SUPT20HL2: variants seen among roughly 807,000 people sequenced by gnomAD.
The protein encoded by SUPT20HL2 is transcription factor SPT20 homolog-like 2.
For synonymous variants in SUPT20HL2, 125 were observed against 51.6 expected (o/e 2.42, Z -6.10); for missense variants, 288 against 127.4 (o/e 2.26, Z -6.07).
In SUPT20HL2 at chrX:24,309,728, T is replaced by TAAAAAAAAA. The variant is rs1939098610; in HGVS notation, c.*1133_*1134insTTTTTTTTT. Among the ~76,000 whole-genome samples, 2 of 12,765 alleles carry TAAAAAAAAA rather than the reference T, an allele frequency of 1.6e-4. No individual in the cohort carries two copies. The highest frequency in any genetic ancestry group is 2.2e-4 in the Non-Finnish European group (2 of 8,898). 11.1% of individuals were successfully genotyped at this position (12,765 alleles called of 115,157 possible). On this transcript the variant is annotated 3_prime_UTR_variant, in exon 1 of 1. Coordinates refer to ENST00000486479, the MANE Select transcript of SUPT20HL2 (RefSeq NM_001136233.3). ...ATTAAAAAAAAAAAGAAAAAAATAATAAAAATAAAAAAAAAAAGAAAAAAA... is the reference window on the plus strand; with the variant it reads ...ATTAAAAAAAAAAAGAAAAAAATAATAAAAAAAAAAAAAATAAAAAAAAAAAGAAAAAAA...
In SUPT20HL2 at chrX:24,309,705, T is replaced by TAAAAAAAAAAAAAAAAAAAAAAAAAA. The variant is rs1157065397; in HGVS notation, c.*1156_*1157insTTTTTTTTTTTTTTTTTTTTTTTTTT. On this transcript the variant is annotated 3_prime_UTR_variant, in exon 1 of 1. Transcript: ENST00000486479. Reference sequence around the variant, plus strand: ...AAAAAAAAAAATTAAAAAAAAAAATTAAAAAAAAAAAGAAAAAAATAATAA... The same window carrying TAAAAAAAAAAAAAAAAAAAAAAAAAA: ...AAAAAAAAAAATTAAAAAAAAAAATTAAAAAAAAAAAAAAAAAAAAAAAAAAAAAAAAAAAAAGAAAAAAATAATAA... Among the ~76,000 whole-genome samples the TAAAAAAAAAAAAAAAAAAAAAAAAAA allele has an allele frequency of 5.5e-5, 1 of 18,039 alleles. No individual in the cohort carries two copies. The highest frequency in any genetic ancestry group is 9.0e-5 in the Non-Finnish European group (1 of 11,157). The allele number at this position is 18,039 out of a possible 115,157, so 15.7% of individuals were successfully genotyped here. A position where few individuals can be genotyped will look rare whatever the true frequency, so the allele number is the denominator to read the frequency against.
In SUPT20HL2 at chrX:24,309,746, GAAAAAAAAAA is replaced by G; in HGVS notation, c.*1106_*1115del. On this transcript the variant is annotated 3_prime_UTR_variant, in exon 1 of 1. Transcript: ENST00000486479. ...AAAATAATAAAAATAAAAAAAAAAA[GAAAAAAAAAA>G]AAAAAAAAAAAAACATCCAAAAAGA... 5.1e-3 allele frequency among the ~76,000 whole-genome samples: 112 copies of G among 21,789 alleles called. 1 individual carries two copies. The highest frequency in any genetic ancestry group is 0.025 in the African/African-American group (104 of 4,155). 18.9% of individuals were successfully genotyped at this position (21,789 alleles called of 115,157 possible).
rs749737905 is a variant in SUPT20HL2, at chrX:24,310,167, T to C, written c.*695A>G. Among the ~76,000 whole-genome samples, 2 of 111,597 alleles carry C rather than the reference T, an allele frequency of 1.8e-5. No individual in the cohort carries two copies. Among genetic ancestry groups the C allele is most frequent in the African/African-American group, 3.3e-5 (1 of 30,605 alleles). On this transcript the variant is annotated 3_prime_UTR_variant, in exon 1 of 1. Transcript: ENST00000486479. Reference sequence around the variant, plus strand: ...CAGCAGGGATAAATCATGAGGACATTATGCCAAGTGAGATAAGCCACTCAC... The same window carrying C: ...CAGCAGGGATAAATCATGAGGACATCATGCCAAGTGAGATAAGCCACTCAC...
chrX:24,311,803 G>GAGCAGC lies in SUPT20HL2; in HGVS notation c.1507_1512dup (p.Ala503_Ala504dup), dbSNP rs1050338108. On this transcript the variant is annotated inframe_insertion, in exon 1 of 1. Transcript: ENST00000486479. ...GCAGCAGGAGCAGGAGCAGGAGCAG[G>GAGCAGC]AGCAGCAGCAGCTACAGCAGGAGCA... The GAGCAGC allele has an allele frequency of 1.2e-5, 4 of 335,203 alleles. No individual in the cohort carries two copies. Among genetic ancestry groups the GAGCAGC allele is most frequent in the African/African-American group, 5.3e-5 (2 of 37,556 alleles). The allele number at this position is 335,203 out of a possible 1,213,427, so 27.6% of individuals were successfully genotyped here.
rs368629408 is a variant in SUPT20HL2 at position 24,312,806 on chromosome X, G to C, written c.510C>G (p.Thr170=). 1.2e-4 allele frequency: 47 copies of C among 384,815 alleles called. No homozygotes were observed. Among genetic ancestry groups the C allele is most frequent in the African/African-American group, 2.3e-4 (9 of 38,992 alleles). 31.7% of individuals were successfully genotyped at this position (384,815 alleles called of 1,213,427 possible). ...YQSRHILLRP[T]MQTLAPEVKT... ...TCACCTCAGGGGCTAAAGTCTGCAT[G>C]GTTGGACGTAGAAGAATATGCCTGC... The change falls in exon 1 of 1, where the codon ACC becomes ACG. Residue 170 remains threonine (T), a synonymous_variant. Coordinates refer to ENST00000486479, the MANE Select transcript of SUPT20HL2 (RefSeq NM_001136233.3).
At position 24,312,301 on chromosome X, in the gene SUPT20HL2, G is replaced by A. The variant is rs1361262752; in HGVS notation, c.1015C>T (p.His339Tyr). 3 of 385,546 alleles carry A rather than the reference G, an allele frequency of 7.8e-6. No homozygotes were observed. The highest frequency in any genetic ancestry group is 5.1e-5 in the Admixed American group (2 of 39,374). 31.8% of individuals were successfully genotyped at this position (385,546 alleles called of 1,213,427 possible). A position where few individuals can be genotyped will look rare whatever the true frequency, so the allele number is the denominator to read the frequency against. ...GCCTGACAGCCAGCTTCCCATGCAT[G>A]TCTGAAAGGGTCTTCTACCTCCTGG... is the stretch of plus-strand genomic sequence containing the variant. ...PAQEVEDPFR[H>Y]AWEAGCQAWD... Residue 339 changes from histidine to tyrosine, a missense_variant, in exon 1 of 1, where the codon CAT becomes TAT. Transcript: ENST00000486479.
rs778466671 is a variant in SUPT20HL2, at chrX:24,311,341, C to T, written c.1975G>A (p.Val659Ile). 5.2e-6 allele frequency: 2 copies of T among 386,353 alleles called. No homozygotes were observed. The highest frequency in any genetic ancestry group is 2.5e-5 in the African/African-American group (1 of 39,477). The allele number at this position is 386,353 out of a possible 1,213,427, so 31.8% of individuals were successfully genotyped here. Residue 659 changes from valine to isoleucine, a missense_variant, in exon 1 of 1, where the codon GTT becomes ATT. Transcript: ENST00000486479. ...GACTGCTGCTGCGGGCCGGTCAGAACCGCCCAGCCCTGCGGAACCTGGAGT... is the reference window on the plus strand; with the variant it reads ...GACTGCTGCTGCGGGCCGGTCAGAATCGCCCAGCCCTGCGGAACCTGGAGT... ...LTLQVPQGWAVLTGPQQQSHQ... is the reference protein window; with the variant it reads ...LTLQVPQGWAILTGPQQQSHQ...
chrX:24,311,562 G>T lies in SUPT20HL2; in HGVS notation c.1754C>A (p.Ala585Asp). ...ATNVEGPVRGAQVLGCSFKPV... is the reference protein window; with the variant it reads ...ATNVEGPVRGDQVLGCSFKPV... ...CTTGAAACTGCACCCCAAAACCTGG[G>T]CTCCCCGGACTGGGCCCTCCACGTT... The change falls in exon 1 of 1, where the codon GCC becomes GAC. Residue 585 changes from alanine to aspartate, a missense_variant. By Grantham distance (126) the Ala-to-Asp change is moderately radical. Transcript: ENST00000486479. 1 of 386,250 alleles carries T rather than the reference G, an allele frequency of 2.6e-6. No homozygotes were observed. Among genetic ancestry groups the T allele is most frequent in the Non-Finnish European group, 5.2e-6 (1 of 192,202 alleles). 31.8% of individuals were successfully genotyped at this position (386,250 alleles called of 1,213,427 possible).
Position 24,312,231 on chromosome X carries a change from A to G in SUPT20HL2, c.1085T>C (p.Leu362Pro), listed in dbSNP as rs191367375. The G allele has an allele frequency of 1.6e-5, 6 of 383,703 alleles. No individual in the cohort carries two copies. Among genetic ancestry groups the G allele is most frequent in the Admixed American group, 1.5e-4 (6 of 39,179 alleles). The allele number at this position is 383,703 out of a possible 1,213,427, so 31.6% of individuals were successfully genotyped here. Residue 362 changes from leucine (L) to proline (P), a missense_variant, in exon 1 of 1, where the codon CTT (leucine) becomes CCT (proline). By Grantham distance (98) the Leu-to-Pro change is moderately conservative. Transcript: ENST00000486479. ...PNIMQSFNDP[L>P]LCGKIRPRKK... ...ACGTGGCCGTATTTTACCACAGAGA[A>G]GCGGATCATTAAACGACTGCATGAT...
At position 24,309,728 on chromosome X, in the gene SUPT20HL2, T is replaced by TAAAAAAAAAAAAAAAAAAAAAAA. The variant is rs1939098610; in HGVS notation, c.*1133_*1134insTTTTTTTTTTTTTTTTTTTTTTT. 3.2e-3 allele frequency among the ~76,000 whole-genome samples: 41 copies of TAAAAAAAAAAAAAAAAAAAAAAA among 12,745 alleles called. No homozygotes were observed. Among genetic ancestry groups the TAAAAAAAAAAAAAAAAAAAAAAA allele is most frequent in the Admixed American group, 7.3e-3 (5 of 687 alleles). 11.1% of individuals were successfully genotyped at this position (12,745 alleles called of 115,157 possible). A position where few individuals can be genotyped will look rare whatever the true frequency, so the allele number is the denominator to read the frequency against. On this transcript the variant is annotated 3_prime_UTR_variant, in exon 1 of 1. Transcript: ENST00000486479. ...ATTAAAAAAAAAAAGAAAAAAATAA[T>TAAAAAAAAAAAAAAAAAAAAAAA]AAAAATAAAAAAAAAAAGAAAAAAA...
At position 24,311,084 on chromosome X, in the gene SUPT20HL2, G is replaced by C. The variant is rs776927632; in HGVS notation, c.2232C>G (p.Leu744=). The change falls in exon 1 of 1, where the codon CTC becomes CTG. Residue 744 remains leucine, a synonymous_variant. Transcript: ENST00000486479. Reference sequence around the variant, plus strand: ...GTGGCTGCTGCCCCAAGACAAAGGGGAGCTGGACACCCTGCTGAGGAACCT... The same window carrying C: ...GTGGCTGCTGCCCCAAGACAAAGGGCAGCTGGACACCCTGCTGAGGAACCT... ...SAQVPQQGVQ[L]PFVLGQQPQP... The C allele has an allele frequency of 5.4e-6, 2 of 369,508 alleles. No individual in the cohort carries two copies. Among genetic ancestry groups the C allele is most frequent in the Non-Finnish European group, 1.1e-5 (2 of 184,073 alleles). 30.5% of individuals were successfully genotyped at this position (369,508 alleles called of 1,213,427 possible).
chrX:24,310,084 A>G lies in SUPT20HL2; in HGVS notation c.*778T>C, dbSNP rs1399708629. 8.9e-6 allele frequency among the ~76,000 whole-genome samples: 1 copy of G among 111,797 alleles called. No individual in the cohort carries two copies. ...CTCAGAGTTTATAGGTCACTTTCATATATATTATGTACAGTGAGACCATTT... is the reference window on the plus strand; with the variant it reads ...CTCAGAGTTTATAGGTCACTTTCATGTATATTATGTACAGTGAGACCATTT... On this transcript the variant is annotated 3_prime_UTR_variant, in exon 1 of 1. Coordinates refer to ENST00000486479, the MANE Select transcript of SUPT20HL2 (RefSeq NM_001136233.3).
rs201374905 is a variant in SUPT20HL2 at position 24,313,918 on chromosome X, G to C, written c.-603C>G. 5.6e-6 allele frequency: 2 copies of C among 354,909 alleles called. No individual in the cohort carries two copies. Among genetic ancestry groups the C allele is most frequent in the Admixed American group, 2.8e-5 (1 of 35,759 alleles). 29.2% of individuals were successfully genotyped at this position (354,909 alleles called of 1,213,427 possible). ...GGAACGGAAGTGAGCGGGAGGGCCG[G>C]GGTCAGCTTCTAGGCGCGTCTGGGC... On this transcript the variant is annotated 5_prime_UTR_variant, in exon 1 of 1. Transcript: ENST00000486479.
Position 24,311,346 on chromosome X carries a change from C to G in SUPT20HL2, c.1970G>C (p.Trp657Ser), listed in dbSNP as rs200760878. 1.1e-4 allele frequency: 42 copies of G among 386,328 alleles called. No individual in the cohort carries two copies. Among genetic ancestry groups the G allele is most frequent in the Non-Finnish European group, 1.7e-4 (32 of 192,531 alleles). 31.8% of individuals were successfully genotyped at this position (386,328 alleles called of 1,213,427 possible). A position where few individuals can be genotyped will look rare whatever the true frequency, so the allele number is the denominator to read the frequency against. Residue 657 changes from tryptophan (W) to serine (S), a missense_variant, in exon 1 of 1, where the codon TGG (tryptophan) becomes TCG (serine). By Grantham distance (177) the Trp-to-Ser change is radical (BLOSUM62 -3). Transcript: ENST00000486479. Reference sequence around the variant, plus strand: ...CTGCTGCGGGCCGGTCAGAACCGCCCAGCCCTGCGGAACCTGGAGTGTCAG... The same window carrying G: ...CTGCTGCGGGCCGGTCAGAACCGCCGAGCCCTGCGGAACCTGGAGTGTCAG... The part of the protein sequence containing the change: ...RPLTLQVPQG[W>S]AVLTGPQQQS...
Sources: gnomAD v4.1 joint callset for allele counts (sites outside exome capture counted in the v4.1 genomes callset) on GRCh38, gnomAD v4.1.1 for gene constraint, MANE v1.5 for transcripts, NCBI Gene and HGNC (gene_info 2026-07-23, HGNC 2026-07-21) for gene names.